The following CDH20 variants were observed in gnomAD, a reference collection of about 807,000 sequenced individuals.
CDH20 encodes the protein cadherin-20.
CDH20 carries 29 observed loss-of-function variants against 74.2 expected under a neutral mutation model. The ratio of observed to expected loss-of-function variants is 0.39; its 90% CI spans 0.29 to 0.53. The LOEUF is 0.53. Ranked by LOEUF, CDH20 falls within the 20% of genes least tolerant of loss-of-function variation. CDH20 has a pLI of 0.69. For missense variants in CDH20, 988 were observed against 1,048.3 expected (o/e 0.94, Z 0.79); for synonymous variants, 469 against 405.4 (o/e 1.16, Z -1.88).
intron 6 of CDH20, among the ~76,000 whole-genome samples, chr18:61,520,465 C>T (rs1428642468): frequency 1.3e-5 from 2 of 151,050 alleles, no homozygotes; most frequent in African/African-American, 4.9e-5. Context: ...TACAAAGAGA[C>T]TTAGACTCCC....
intron 1 of CDH20, among the ~76,000 whole-genome samples, chr18:61,379,622 G>A (rs891830588): frequency 2.0e-5 from 3 of 152,124 alleles, no homozygotes; most frequent in African/African-American, 7.2e-5. Flanking sequence ...GAATCCCAAA[G>A]ATAAAGTTTT....
At chr18:61,372,125 T>A (rs1837625637) in intron 1 of CDH20, among the ~76,000 whole-genome samples, 1 of 151,538 alleles carries the variant, frequency 6.6e-6, no homozygotes, top group African/African-American at 2.4e-5. Context: ...GCACACTAAA[T>A]AAAAGTTATT....
At chr18:61,544,984 T>C in intron 9 of CDH20, 43 bp from the exon 10 acceptor site, 1 of 1,371,206 alleles carries the variant, frequency 7.3e-7, no homozygotes, top group Non-Finnish European at 1.0e-6. Context: ...CTGGTGCTTT[T>C]TCCTTTGGCT....
At chr18:61,367,506 G>A (rs554515610) in intron 1 of CDH20, among the ~76,000 whole-genome samples, 9 of 152,238 alleles carry the variant, frequency 5.9e-5, no homozygotes, top group South Asian at 2.1e-4. Flanking sequence ...GCAGAGCTTC[G>A]TTTATTTCTG....
chr18:61,383,939 C>T (rs1395556617), intron 1 of CDH20, among the ~76,000 whole-genome samples: 2 of 152,076 alleles, frequency 1.3e-5, no homozygotes, highest in Non-Finnish European at 2.9e-5. Context: ...ACCTGAAGAT[C>T]CCATATATGA....
intron 1 of CDH20, among the ~76,000 whole-genome samples, chr18:61,476,782 G>A (rs1361807413): frequency 1.3e-5 from 2 of 152,136 alleles, no homozygotes; most frequent in Non-Finnish European, 2.9e-5. Context: ...ATTCACGATG[G>A]CTTCACTTTG....
intron 1 of CDH20, among the ~76,000 whole-genome samples, chr18:61,487,778 A>G (rs1910817002): frequency 1.3e-5 from 2 of 152,202 alleles, no homozygotes; most frequent in South Asian, 4.1e-4. Flanking sequence ...TGAGCTCTTC[A>G]GATCATGCCT....
intron 8 of CDH20, among the ~76,000 whole-genome samples, chr18:61,538,765 C>T (rs1912922240): frequency 2.6e-5 from 4 of 151,134 alleles, no homozygotes; most frequent in Admixed American, 2.6e-4. Flanking sequence ...ACTACAGGCG[C>T]CCGCCACCAC....
At position 61,539,053 on chromosome 18, in the gene CDH20, G is replaced by A; in HGVS notation, c.1438G>A (p.Val480Ile). 1 of 1,613,892 alleles carries A rather than the reference G, an allele frequency of 6.2e-7. No homozygotes were observed. The highest frequency in any genetic ancestry group is 8.5e-7 in the Non-Finnish European group (1 of 1,179,926). The change falls in exon 9 of 12, where the codon GTC (valine) becomes ATC (isoleucine). Residue 480 changes from valine to isoleucine, a missense_variant. Transcript: ENST00000262717. ...NNPSQVGSVP[V>I]TIKVLDVNDN... ...TCCCTCCCAGGTTGGAAGTGTTCCT[G>A]TCACAATCAAAGTCTTAGATGTGAA...
At chr18:61,414,000 G>A (rs1222075104) in intron 1 of CDH20, among the ~76,000 whole-genome samples, 1 of 152,120 alleles carries the variant, frequency 6.6e-6, no homozygotes, top group Admixed American at 6.5e-5. Context: ...TTTTGATGTA[G>A]ACATAATTTG....
At chr18:61,487,024 T>C (rs1910790633) in intron 1 of CDH20, among the ~76,000 whole-genome samples, 1 of 152,206 alleles carries the variant, frequency 6.6e-6, no homozygotes, top group Non-Finnish European at 1.5e-5. Context: ...AAGCACACTT[T>C]ATGTACAACT....
chr18:61,372,955 C>T (rs890605903), intron 1 of CDH20, among the ~76,000 whole-genome samples: 6 of 152,104 alleles, frequency 3.9e-5, no homozygotes, highest in Admixed American at 2.0e-4. Flanking sequence ...ACTGATAGAA[C>T]GTAATTCTTC....
chr18:61,507,302 A>G, intron 5 of CDH20, 71 bp from the exon 6 acceptor site: 1 of 1,402,952 alleles, frequency 7.1e-7, no homozygotes, highest in African/African-American at 1.4e-5. Context: ...AGCACTCCTG[A>G]TATGATAATG....
At chr18:61,429,451 C>A (rs575187840) in intron 1 of CDH20, among the ~76,000 whole-genome samples, 1 of 152,132 alleles carries the variant, frequency 6.6e-6, no homozygotes, top group Non-Finnish European at 1.5e-5. Context: ...CTGTTTATAA[C>A]CCCCAAAATA....
intron 1 of CDH20, among the ~76,000 whole-genome samples, chr18:61,470,641 A>C (rs1466638490): frequency 7.2e-5 from 11 of 152,220 alleles, no homozygotes. Flanking sequence ...ATCAAGTGAC[A>C]CCAGATAGAG....
At chr18:61,513,968 A>G (rs1279609412) in intron 6 of CDH20, among the ~76,000 whole-genome samples, 3 of 151,832 alleles carry the variant, frequency 2.0e-5, no homozygotes, top group African/African-American at 4.8e-5. Context: ...GAATCTGACA[A>G]TTATGTGTCT....
chr18:61,431,393 G>T (rs944969916), intron 1 of CDH20, among the ~76,000 whole-genome samples: 3 of 152,156 alleles, frequency 2.0e-5, no homozygotes, highest in African/African-American at 7.2e-5. Flanking sequence ...CCCAAATAAA[G>T]TATGGACGTT....
intron 1 of CDH20, among the ~76,000 whole-genome samples, chr18:61,346,314 T>C (rs1467218101): frequency 1.3e-5 from 2 of 152,146 alleles, no homozygotes; most frequent in Non-Finnish European, 2.9e-5. Flanking sequence ...CATTATTAAT[T>C]TCCCATAGAA....
At position 61,347,317 on chromosome 18, in the gene CDH20, T is replaced by TAC. The variant is rs1438418011; in HGVS notation, c.-153+13491_-153+13492insCA. On this transcript the variant is annotated intron_variant, in intron 1 of 11. Transcript: ENST00000262717. ...ATATATATATATATATATATATATA[T>TAC]ATACACACACACACACACACACACA... 9.5e-4 allele frequency among the ~76,000 whole-genome samples: 66 copies of TAC among 69,660 alleles called. No homozygotes were observed. In the East Asian group the frequency reaches 0.013, roughly 14 times the overall value. 45.7% of individuals were successfully genotyped at this position (69,660 alleles called of 152,430 possible). A position where few individuals can be genotyped will look rare whatever the true frequency, so the allele number is the denominator to read the frequency against.
Sources: allele counts gnomAD v4.1 joint callset (sites outside exome capture counted in the v4.1 genomes callset), GRCh38; gene constraint gnomAD v4.1.1; transcripts MANE v1.5; gene names NCBI Gene and HGNC (gene_info 2026-07-23, HGNC 2026-07-21).